CEMIP: variants seen among roughly 807,000 people sequenced by gnomAD.
CEMIP encodes the protein cell migration inducing hyaluronidase 1.
CEMIP carries 105 observed loss-of-function variants against 156.9 expected under a neutral mutation model. The ratio of observed to expected loss-of-function variants is 0.67; its 90% CI spans 0.57 to 0.79. CEMIP has a LOEUF of 0.79. Ranked by LOEUF, CEMIP falls within the 30% of genes least tolerant of loss-of-function variation. The pLI is 0.00. For missense variants in CEMIP, 1,457 were observed against 1,769.4 expected (o/e 0.82, Z 3.17); for synonymous variants, 676 against 668.4 (o/e 1.01, Z -0.17).
At chr15:80,922,354 G>T (rs1341666492) in intron 17 of CEMIP, among the ~76,000 whole-genome samples, 2 of 152,226 alleles carry the variant, frequency 1.3e-5, no homozygotes, top group Non-Finnish European at 2.9e-5. Context: ...CACGGGCATG[G>T]ACTGAGAATA....
intron 1 of CEMIP, among the ~76,000 whole-genome samples, chr15:80,837,954 A>C (rs1022079172): frequency 2.6e-5 from 4 of 152,288 alleles, no homozygotes; most frequent in Middle Eastern, 6.8e-3. Flanking sequence ...TACCCATCTT[A>C]GGTGAGAACA....
At chr15:80,852,896 G>A (rs1234297024) in intron 1 of CEMIP, among the ~76,000 whole-genome samples, 6 of 152,096 alleles carry the variant, frequency 3.9e-5, no homozygotes, top group South Asian at 2.1e-4. Context: ...CCCAATAGGC[G>A]CCTGAATAGC....
chr15:80,792,823 A>G (rs996178607), intron 1 of CEMIP, among the ~76,000 whole-genome samples: 1 of 152,146 alleles, frequency 6.6e-6, no homozygotes, highest in Non-Finnish European at 1.5e-5. Flanking sequence ...GGTGTCTGTC[A>G]AGCTCAACAC....
Position 80,936,664 on chromosome 15 carries a change from G to A in CEMIP, c.3010-10G>A, listed in dbSNP as rs370271241. The A allele has an allele frequency of 2.3e-5, 37 of 1,611,346 alleles. No individual in the cohort carries two copies. The African/African-American group carries it at 4.1e-4, about 18-fold the overall frequency. On this transcript the variant is annotated splice_polypyrimidine_tract_variant and intron_variant, in intron 23 of 29. Transcript: ENST00000394685. ...GCCTCATTGTGTGTTTCCTTTTTGG[G>A]TTTTAAAAGATGTACATTCAAGCCT...
intron 29 of CEMIP, chr15:80,947,358 A>G: frequency 4.9e-6 from 2 of 404,338 alleles, no homozygotes; most frequent in South Asian, 2.5e-5. Flanking sequence ...ATTCAACAAA[A>G]GTATCATAAG....
chr15:80,928,895 C>G lies in CEMIP; in HGVS notation c.2421-7C>G, dbSNP rs779065719. 1 of 1,613,778 alleles carries G rather than the reference C, an allele frequency of 6.2e-7. No individual in the cohort carries two copies. The highest frequency in any genetic ancestry group is 1.7e-5 in the Admixed American group (1 of 60,030). On this transcript the variant is annotated splice_region_variant and splice_polypyrimidine_tract_variant and intron_variant, in intron 19 of 29. Transcript: ENST00000394685. ...TGCTCTGACTATCTATCTGCTCTTG[C>G]CCACAGGTTTGCTGACAATGGCATT...
At chr15:80,885,118 G>C (rs1283300014) in intron 7 of CEMIP, among the ~76,000 whole-genome samples, 1 of 152,036 alleles carries the variant, frequency 6.6e-6, no homozygotes, top group Admixed American at 6.6e-5. Context: ...TCCCCTCCCT[G>C]TGTCCATGGT....
intron 7 of CEMIP, among the ~76,000 whole-genome samples, chr15:80,886,318 G>A (rs1303285974): frequency 6.6e-6 from 1 of 152,120 alleles, no homozygotes; most frequent in African/African-American, 2.4e-5. Context: ...AGGCTGGAGG[G>A]GGGCGGGGGC....
At chr15:80,781,862 A>T (rs1009643196) in intron 1 of CEMIP, among the ~76,000 whole-genome samples, 1 of 152,236 alleles carries the variant, frequency 6.6e-6, no homozygotes, top group Non-Finnish European at 1.5e-5. Context: ...AATTACAGGT[A>T]TATTTTAAAG....
In CEMIP at chr15:80,942,023, G is replaced by C; in HGVS notation, c.3582G>C (p.Pro1194=). 12 of 1,613,124 alleles carry C rather than the reference G, an allele frequency of 7.4e-6. No homozygotes were observed. The highest frequency in any genetic ancestry group is 1.0e-5 in the Non-Finnish European group (12 of 1,179,816). Reference sequence around the variant, plus strand: ...CCGAGAGGGCTGTCGTAGACGTGCCGATGCCCAAGAAGCTCTTTGGTTCTC... The same window carrying C: ...CCGAGAGGGCTGTCGTAGACGTGCCCATGCCCAAGAAGCTCTTTGGTTCTC... ...KFTERAVVDV[P]MPKKLFGSQL... is the part of the protein sequence containing the mutation. Residue 1194 remains proline, a synonymous_variant, in exon 26 of 30, where the codon CCG becomes CCC. Transcript: ENST00000394685.
At chr15:80,819,576 G>A (rs577938499) in intron 1 of CEMIP, among the ~76,000 whole-genome samples, 1 of 152,294 alleles carries the variant, frequency 6.6e-6, no homozygotes, top group South Asian at 2.1e-4. Flanking sequence ...CAAGACCAAT[G>A]ACAGCACACC....
Position 80,949,235 on chromosome 15 carries a change from C to T in CEMIP, c.*311C>T, listed in dbSNP as rs1901712667. 1 of 423,216 alleles carries T rather than the reference C, an allele frequency of 2.4e-6. No homozygotes were observed. The highest frequency in any genetic ancestry group is 4.4e-6 in the Non-Finnish European group (1 of 224,934). 26.2% of individuals were successfully genotyped at this position (423,216 alleles called of 1,614,324 possible). A position where few individuals can be genotyped will look rare whatever the true frequency, so the allele number is the denominator to read the frequency against. On this transcript the variant is annotated 3_prime_UTR_variant, in exon 30 of 30. Coordinates refer to ENST00000394685, the MANE Select transcript of CEMIP (RefSeq NM_001293298.2). ...GGGGTTTGGGGACCATATCAGGAGA[C>T]CTGGGTTGTGCTGACAGCAAAGATC...
chr15:80,864,554 A>G (rs1016579618), intron 1 of CEMIP, among the ~76,000 whole-genome samples: 1 of 152,136 alleles, frequency 6.6e-6, no homozygotes, highest in Non-Finnish European at 1.5e-5. Context: ...CGCATACATC[A>G]TCTCATCCCT....
intron 1 of CEMIP, among the ~76,000 whole-genome samples, chr15:80,789,235 T>C (rs1203740296): frequency 1.3e-5 from 2 of 152,306 alleles, no homozygotes; most frequent in East Asian, 3.9e-4. Flanking sequence ...TAAAGGCTCC[T>C]CTGAGCCCTG....
chr15:80,862,005 G>A (rs571202756), intron 1 of CEMIP, among the ~76,000 whole-genome samples: 4 of 152,170 alleles, frequency 2.6e-5, no homozygotes, highest in Non-Finnish European at 5.9e-5. Context: ...ATTTGCCCAG[G>A]GAACTGGGAA....
rs1259360008 is a variant in CEMIP at position 80,949,506 on chromosome 15, G to C, written c.*582G>C. On this transcript the variant is annotated 3_prime_UTR_variant, in exon 30 of 30. Coordinates refer to ENST00000394685, the MANE Select transcript of CEMIP (RefSeq NM_001293298.2). Reference sequence around the variant, plus strand: ...CCGTGTCCACCTTTCAGGAGACTTTGAGTGGCAGGTTTGGACTTGGACTAG... The same window carrying C: ...CCGTGTCCACCTTTCAGGAGACTTTCAGTGGCAGGTTTGGACTTGGACTAG... The C allele has an allele frequency of 5.7e-6, 1 of 174,616 alleles. No individual in the cohort carries two copies. The highest frequency in any genetic ancestry group is 2.4e-5 in the African/African-American group (1 of 42,054). The allele number at this position is 174,616 out of a possible 1,614,324, so 10.8% of individuals were successfully genotyped here.
chr15:80,907,477 G>A (rs1020945117), intron 13 of CEMIP, among the ~76,000 whole-genome samples: 1 of 152,166 alleles, frequency 6.6e-6, no homozygotes, highest in African/African-American at 2.4e-5. Context: ...CAGGAGAATT[G>A]CTTGAACCCA....
At chr15:80,926,893 C>T (rs1347918743) in intron 19 of CEMIP, among the ~76,000 whole-genome samples, 2 of 143,704 alleles carry the variant, frequency 1.4e-5, no homozygotes, top group African/African-American at 5.4e-5. Flanking sequence ...TGCAGTGGTG[C>T]AAACTCAGCA....
intron 14 of CEMIP, among the ~76,000 whole-genome samples, chr15:80,916,371 C>T (rs1382274964): frequency 6.6e-6 from 1 of 152,178 alleles, no homozygotes; most frequent in Non-Finnish European, 1.5e-5. Context: ...CAACTGAAGA[C>T]TTAAAACAGT....
Sources: gnomAD v4.1 joint callset for allele counts (sites outside exome capture counted in the v4.1 genomes callset) on GRCh38, gnomAD v4.1.1 for gene constraint, MANE v1.5 for transcripts, NCBI Gene and HGNC (gene_info 2026-07-23, HGNC 2026-07-21) for gene names.